Variants in TMEM65 observed in about 807,000 individuals in gnomAD.
The protein encoded by TMEM65 is transmembrane protein 65.
Under a neutral mutation model 25.4 loss-of-function variants are expected in TMEM65, and 22 were observed. The ratio of observed to expected loss-of-function variants is 0.86; its 90% CI spans 0.62 to 1.23. TMEM65 has a LOEUF of 1.23. Ranked by LOEUF, TMEM65 falls within the 50% of genes most tolerant of loss-of-function variation. TMEM65 has a pLI of 0.00. For synonymous variants in TMEM65, 132 were observed against 126.2 expected (o/e 1.05, Z -0.31); for missense variants, 262 against 308.2 (o/e 0.85, Z 1.12).
chr8:124,351,087 A>G, intron 1 of TMEM65: 2 of 985,178 alleles, frequency 2.0e-6, no homozygotes, highest in Non-Finnish European at 2.4e-6. Context: ...CAAGCTTCAC[A>G]ATGGCAATCT....
At chr8:124,327,671 A>AACAC (rs71289656) in intron 2 of TMEM65, among the ~76,000 whole-genome samples, 1,631 of 148,700 alleles carry the variant, frequency 0.011, 22 homozygotes, top group South Asian at 0.031. Flanking sequence ...TCTTACTGGT[A>AACAC]ACACACACAC....
rs1032964917 is a variant in TMEM65 at position 124,308,161 on chromosome 8, G to A, written c.*5799C>T. 3 of 152,182 alleles carry A rather than the reference G, an allele frequency of 2.0e-5. No individual in the cohort carries two copies. Among genetic ancestry groups the A allele is most frequent in the African/African-American group, 7.2e-5 (3 of 41,430 alleles). 9.4% of individuals were successfully genotyped at this position (152,182 alleles called of 1,614,324 possible). On this transcript the variant is annotated 3_prime_UTR_variant, in exon 7 of 7. Transcript: ENST00000297632. Reference sequence around the variant, plus strand: ...TGTCTTTGAAGTCAGGAAGTACCTTGCCAGTAAAGGACTGCCTTTTAAAGT... The same window carrying A: ...TGTCTTTGAAGTCAGGAAGTACCTTACCAGTAAAGGACTGCCTTTTAAAGT...
chr8:124,363,226 T>C (rs1814894163), intron 1 of TMEM65, among the ~76,000 whole-genome samples: 1 of 152,174 alleles, frequency 6.6e-6, no homozygotes, highest in African/African-American at 2.4e-5. Context: ...GTAAGTTAAA[T>C]TACATGGGAA....
chr8:124,327,671 AACACACAC>A (rs71289656), intron 2 of TMEM65, among the ~76,000 whole-genome samples: 14,271 of 148,558 alleles, frequency 0.096, 725 homozygotes, highest in East Asian at 0.15. Flanking sequence ...TCTTACTGGT[AACACACAC>A]ACACACACAC....
rs1433760766 is a variant in TMEM65, at chr8:124,311,840, T to C, written c.*2120A>G. 4 of 152,328 alleles carry C rather than the reference T, an allele frequency of 2.6e-5. No individual in the cohort carries two copies. The highest frequency in any genetic ancestry group is 4.4e-5 in the Non-Finnish European group (3 of 67,958). The allele number at this position is 152,328 out of a possible 1,614,324, so 9.4% of individuals were successfully genotyped here. A position where few individuals can be genotyped will look rare whatever the true frequency, so the allele number is the denominator to read the frequency against. On this transcript the variant is annotated 3_prime_UTR_variant, in exon 7 of 7. Transcript: ENST00000297632. The stretch of plus-strand genomic sequence containing the variant: ...TCAAATTTTTATTATGCCCATAAAT[T>C]AAAATTATCTTTCAATGTGAAGGTT...
At chr8:124,348,386 T>G (rs1223177918) in intron 1 of TMEM65, among the ~76,000 whole-genome samples, 3 of 152,156 alleles carry the variant, frequency 2.0e-5, no homozygotes, top group African/African-American at 7.2e-5. Context: ...AAAATTATAT[T>G]CCTTCCCTTC....
At chr8:124,358,397 C>T (rs1338884997) in intron 1 of TMEM65, among the ~76,000 whole-genome samples, 2 of 152,128 alleles carry the variant, frequency 1.3e-5, no homozygotes, top group Non-Finnish European at 2.9e-5. Flanking sequence ...GAAGGTTTCT[C>T]CATATACATA....
At chr8:124,317,439 C>T (rs1280164796) in intron 6 of TMEM65, among the ~76,000 whole-genome samples, 4 of 152,160 alleles carry the variant, frequency 2.6e-5, no homozygotes, top group African/African-American at 7.2e-5. Context: ...CTTAAAACTT[C>T]GTCCTTGATA....
Position 124,325,912 on chromosome 8 carries a change from T to C in TMEM65, c.417+1442A>G, listed in dbSNP as rs566678922. ...GTAAATTACTTTTAAAATTCCTACT[T>C]TGAAACCAAATCTTCTATTTATGTC... On this transcript the variant is annotated intron_variant, in intron 3 of 6. Coordinates refer to ENST00000297632, the MANE Select transcript of TMEM65 (RefSeq NM_194291.3). Among the ~76,000 whole-genome samples the C allele has an allele frequency of 7.2e-4, 109 of 152,164 alleles. 1 individual carries two copies. The highest frequency in any genetic ancestry group is 2.4e-3 in the African/African-American group (101 of 41,562).
intron 4 of TMEM65, among the ~76,000 whole-genome samples, chr8:124,322,463 T>C (rs1005697739): frequency 2.6e-5 from 4 of 152,164 alleles, no homozygotes; most frequent in Admixed American, 2.6e-4. Flanking sequence ...TAAAGTTGCA[T>C]GTACAGCTAT....
Position 124,309,329 on chromosome 8 carries a change from C to T in TMEM65, c.*4631G>A, listed in dbSNP as rs1026567995. The T allele has an allele frequency of 6.6e-6, 1 of 152,224 alleles. No individual in the cohort carries two copies. The highest frequency in any genetic ancestry group is 1.5e-5 in the Non-Finnish European group (1 of 68,048). 9.4% of individuals were successfully genotyped at this position (152,224 alleles called of 1,614,324 possible). On this transcript the variant is annotated 3_prime_UTR_variant, in exon 7 of 7. Transcript: ENST00000297632. ...AATCCCTCCATTGTTCAAGAGTCAA[C>T]TGTAAATGATTTGCTGATGGGAATA...
At chr8:124,319,426 T>A (rs1814278456) in intron 6 of TMEM65, among the ~76,000 whole-genome samples, 1 of 152,178 alleles carries the variant, frequency 6.6e-6, no homozygotes, top group Admixed American at 6.6e-5. Context: ...TCCTGTCTGA[T>A]CCCTGCTTAC....
intron 1 of TMEM65, among the ~76,000 whole-genome samples, chr8:124,339,287 C>A (rs1355785330): frequency 1.5e-5 from 2 of 135,418 alleles, no homozygotes; most frequent in African/African-American, 5.7e-5. Context: ...CTTGGCCAAT[C>A]ACAGCAGCTG....
chr8:124,330,890 A>T, intron 1 of TMEM65, 98 bp from the exon 2 acceptor site: 2 of 1,093,156 alleles, frequency 1.8e-6, no homozygotes, highest in Non-Finnish European at 2.7e-6. Flanking sequence ...ACAACGTGGG[A>T]GAATATCAGA....
rs1814107432 is a variant in TMEM65, at chr8:124,307,591, C to G, written c.*6369G>C. 1.3e-5 allele frequency: 2 copies of G among 151,924 alleles called. No individual in the cohort carries two copies. Among genetic ancestry groups the G allele is most frequent in the Admixed American group, 1.3e-4 (2 of 15,258 alleles). 9.4% of individuals were successfully genotyped at this position (151,924 alleles called of 1,614,324 possible). ...CAGTATTGCTACAAGAAAGACGTAC[C>G]TATAGGCTCTAATATGATTGGAGAA... is the stretch of plus-strand genomic sequence containing the variant. On this transcript the variant is annotated 3_prime_UTR_variant, in exon 7 of 7. Coordinates refer to ENST00000297632, the MANE Select transcript of TMEM65 (RefSeq NM_194291.3).
intron 1 of TMEM65, among the ~76,000 whole-genome samples, chr8:124,356,026 T>C (rs969096471): frequency 6.6e-6 from 1 of 152,180 alleles, no homozygotes; most frequent in Non-Finnish European, 1.5e-5. Flanking sequence ...AGTAGAAACC[T>C]GAAGGAGGGG....
chr8:124,350,936 C>T (rs544801193), intron 1 of TMEM65: 129 of 970,386 alleles, frequency 1.3e-4, no homozygotes, highest in African/African-American at 1.3e-3. Context: ...AAAACACTAA[C>T]GCAAAAACAG....
chr8:124,311,811 T>A lies in TMEM65; in HGVS notation c.*2149A>T, dbSNP rs1484626105. 1 of 152,238 alleles carries A rather than the reference T, an allele frequency of 6.6e-6. No individual in the cohort carries two copies. Among genetic ancestry groups the A allele is most frequent in the African/African-American group, 2.4e-5 (1 of 41,464 alleles). 9.4% of individuals were successfully genotyped at this position (152,238 alleles called of 1,614,324 possible). A position where few individuals can be genotyped will look rare whatever the true frequency, so the allele number is the denominator to read the frequency against. On this transcript the variant is annotated 3_prime_UTR_variant, in exon 7 of 7. Transcript: ENST00000297632. ...CTCCATTTTTTGAAAATTACCTGAATGATTCAAATTTTTATTATGCCCATA... is the reference window on the plus strand; with the variant it reads ...CTCCATTTTTTGAAAATTACCTGAAAGATTCAAATTTTTATTATGCCCATA...
intron 1 of TMEM65, among the ~76,000 whole-genome samples, chr8:124,339,500 A>G (rs1814559858): frequency 6.6e-6 from 1 of 151,846 alleles, no homozygotes; most frequent in African/African-American, 2.4e-5. Flanking sequence ...TTGCCCAAAT[A>G]AACTTTGTTA....
Sources: gnomAD v4.1 joint callset for allele counts (sites outside exome capture counted in the v4.1 genomes callset) on GRCh38, gnomAD v4.1.1 for gene constraint, MANE v1.5 for transcripts, NCBI Gene and HGNC (gene_info 2026-07-23, HGNC 2026-07-21) for gene names.